CLINT1: variants seen among roughly 807,000 people sequenced by gnomAD.
CLINT1 encodes clathrin interactor 1, also known as clathrin interacting protein localized in the trans-Golgi region.
CLINT1 carries 15 observed loss-of-function variants against 70.4 expected under a neutral mutation model. That is an observed-to-expected ratio of 0.21 (90% CI 0.14 to 0.33). CLINT1 has a LOEUF of 0.33. CLINT1 is among the 10% of genes least tolerant of loss of function. CLINT1 has a pLI of 1.00. For synonymous variants in CLINT1, 227 were observed against 254.7 expected (o/e 0.89, Z 1.04); for missense variants, 615 against 778.1 (o/e 0.79, Z 2.49).
intron 1 of CLINT1, among the ~76,000 whole-genome samples, chr5:157,844,613 C>T (rs1450909937): frequency 2.0e-5 from 3 of 152,150 alleles, no homozygotes; most frequent in Non-Finnish European, 2.9e-5. Flanking sequence ...AAATATAGTA[C>T]TTAGATGGTA....
intron 11 of CLINT1, among the ~76,000 whole-genome samples, chr5:157,788,997 TAGAA>T (rs1761817198): frequency 7.9e-6 from 1 of 127,154 alleles, no homozygotes; most frequent in Admixed American, 7.9e-5. Context: ...AAAGAAAACA[TAGAA>T]AGAAATATGT....
At chr5:157,822,035 T>C (rs1305085998) in intron 1 of CLINT1, among the ~76,000 whole-genome samples, 5 of 152,202 alleles carry the variant, frequency 3.3e-5, no homozygotes, top group Non-Finnish European at 1.5e-5. Flanking sequence ...CCTCAAGTTT[T>C]GCACACATGC....
intron 1 of CLINT1, among the ~76,000 whole-genome samples, chr5:157,823,106 T>C (rs1037359900): frequency 6.6e-6 from 1 of 152,224 alleles, no homozygotes; most frequent in South Asian, 2.1e-4. Flanking sequence ...TCACTCATCC[T>C]GAGATCAGGC....
At chr5:157,815,120 T>TACACACACACACACACACAC (rs150242169) in intron 3 of CLINT1, among the ~76,000 whole-genome samples, 2 of 142,116 alleles carry the variant, frequency 1.4e-5, no homozygotes, top group African/African-American at 5.1e-5. Flanking sequence ...TCTTCACACA[T>TACACACACACACACACACAC]ACACACACAC....
In CLINT1 at chr5:157,787,561, G is replaced by C; in HGVS notation, c.*85C>G. The C allele has an allele frequency of 9.5e-7, 1 of 1,049,122 alleles. No homozygotes were observed. The highest frequency in any genetic ancestry group is 1.5e-5 in the South Asian group (1 of 66,188). The allele number at this position is 1,049,122 out of a possible 1,614,324, so 65.0% of individuals were successfully genotyped here. ...ATTTTAATTACTTGATAAAAGAAAG[G>C]GTAGTTGATTAGCATTTTCCATCCC... On this transcript the variant is annotated 3_prime_UTR_variant, in exon 12 of 12. Coordinates refer to ENST00000411809, the MANE Select transcript of CLINT1 (RefSeq NM_014666.4).
At chr5:157,815,331 C>G (rs1762687576) in intron 3 of CLINT1, among the ~76,000 whole-genome samples, 1 of 152,066 alleles carries the variant, frequency 6.6e-6, no homozygotes, top group South Asian at 2.1e-4. Flanking sequence ...CCCCCACCCC[C>G]AAACTAAATT....
chr5:157,832,590 T>G (rs1368274807), intron 1 of CLINT1, among the ~76,000 whole-genome samples: 3 of 151,310 alleles, frequency 2.0e-5, no homozygotes, highest in Non-Finnish European at 4.4e-5. Context: ...TGAGGTATCT[T>G]CTTTTCATTC....
intron 1 of CLINT1, among the ~76,000 whole-genome samples, chr5:157,850,229 A>G (rs764004563): frequency 6.6e-6 from 1 of 152,194 alleles, no homozygotes; most frequent in Non-Finnish European, 1.5e-5. Flanking sequence ...TGGACAGCAG[A>G]TGACAGGGCT....
intron 6 of CLINT1, 116 bp downstream of exon 6, chr5:157,809,512 A>T: frequency 2.9e-6 from 2 of 691,224 alleles, no homozygotes; most frequent in Non-Finnish European, 4.4e-6. Context: ...AAAAAAAAAA[A>T]GGCCCAATTT....
Position 157,858,995 on chromosome 5 carries a change from C to T in CLINT1, c.-25G>A, listed in dbSNP as rs774643298. The T allele has an allele frequency of 1.9e-6, 3 of 1,610,600 alleles. No homozygotes were observed. Among genetic ancestry groups the T allele is most frequent in the East Asian group, 4.5e-5 (2 of 44,552 alleles). On this transcript the variant is annotated 5_prime_UTR_variant, in exon 1 of 12. Coordinates refer to ENST00000411809, the MANE Select transcript of CLINT1 (RefSeq NM_014666.4). Reference sequence around the variant, plus strand: ...TCGTGCCCCGCGCGGGACGGTCCGCCGCCTCCCTCTCCTGCTCCCCACGGA... The same window carrying T: ...TCGTGCCCCGCGCGGGACGGTCCGCTGCCTCCCTCTCCTGCTCCCCACGGA...
At chr5:157,840,798 A>G (rs1025370256) in intron 1 of CLINT1, among the ~76,000 whole-genome samples, 1 of 152,118 alleles carries the variant, frequency 6.6e-6, no homozygotes, top group Non-Finnish European at 1.5e-5. Context: ...GCACTTTGGA[A>G]GGCTGAGATA....
At chr5:157,807,515 T>C (rs977669866) in intron 6 of CLINT1, among the ~76,000 whole-genome samples, 1 of 152,102 alleles carries the variant, frequency 6.6e-6, no homozygotes, top group African/African-American at 2.4e-5. Flanking sequence ...CTAATAAGTA[T>C]GAAATTCAGG....
intron 1 of CLINT1, among the ~76,000 whole-genome samples, chr5:157,849,698 C>T (rs1336296324): frequency 1.3e-5 from 2 of 152,168 alleles, no homozygotes; most frequent in Non-Finnish European, 2.9e-5. Flanking sequence ...ATTCTGTGCC[C>T]AATTTCCTCA....
intron 1 of CLINT1, among the ~76,000 whole-genome samples, chr5:157,839,727 CTATCTATCTATCTAT>C: frequency 1.3e-5 from 1 of 75,144 alleles, no homozygotes. Flanking sequence ...AAAAATCTAT[CTATCTATCTATCTAT>C]CTATCTATCT....
chr5:157,792,590 C>CT, intron 9 of CLINT1, among the ~76,000 whole-genome samples: 1 of 152,246 alleles, frequency 6.6e-6, no homozygotes, highest in Middle Eastern at 3.4e-3. Flanking sequence ...CATACTTCCA[C>CT]TGACAATACA....
intron 1 of CLINT1, among the ~76,000 whole-genome samples, chr5:157,838,486 GTACA>G (rs557061600): frequency 2.5e-4 from 38 of 152,334 alleles, no homozygotes; most frequent in African/African-American, 9.1e-4. Context: ...GCCAGCCTAA[GTACA>G]TGCTTAATAC....
intron 1 of CLINT1, among the ~76,000 whole-genome samples, chr5:157,844,108 A>G (rs908554301): frequency 1.3e-5 from 2 of 152,022 alleles, no homozygotes; most frequent in African/African-American, 4.8e-5. Context: ...TTCATTTTTC[A>G]CCAGTAATTA....
chr5:157,799,221 C>T (rs445694), intron 8 of CLINT1, among the ~76,000 whole-genome samples: 28,062 of 151,886 alleles, frequency 0.18, 3,363 homozygotes, highest in East Asian at 0.58. Flanking sequence ...AGAGAATATA[C>T]TGAAAAAATT....
intron 1 of CLINT1, among the ~76,000 whole-genome samples, chr5:157,825,263 T>C (rs1581515219): frequency 6.6e-6 from 1 of 152,166 alleles, no homozygotes; most frequent in South Asian, 2.1e-4. Flanking sequence ...CAAATGACTA[T>C]GCTGGATTAT....
Sources: gnomAD v4.1 joint callset for allele counts (sites outside exome capture counted in the v4.1 genomes callset) on GRCh38, gnomAD v4.1.1 for gene constraint, MANE v1.5 for transcripts, NCBI Gene and HGNC (gene_info 2026-07-23, HGNC 2026-07-21) for gene names.